ALDH1A2: variants seen among roughly 807,000 people sequenced by gnomAD.
The protein encoded by ALDH1A2 is retinal dehydrogenase 2.
ALDH1A2 carries 27 observed loss-of-function variants against 60.3 expected under a neutral mutation model. The ratio of observed to expected loss-of-function variants is 0.45; its 90% CI spans 0.33 to 0.62. The LOEUF is 0.62. ALDH1A2 is among the 20% of genes least tolerant of loss of function. The pLI is 0.02. For missense variants in ALDH1A2, 581 were observed against 643.8 expected, an observed-to-expected ratio of 0.90 and a Z score of 1.06; for synonymous variants, 289 against 232.4, an observed-to-expected ratio of 1.24 and a Z score of -2.21.
intron 1 of ALDH1A2, among the ~76,000 whole-genome samples, chr15:58,025,472 A>C (rs1595674629): frequency 1.3e-5 from 2 of 152,226 alleles, no homozygotes. Flanking sequence ...GAAGAAACAG[A>C]AAACCTGAAC....
At chr15:58,063,470 A>G (rs1352743166) in intron 1 of ALDH1A2, among the ~76,000 whole-genome samples, 1 of 151,848 alleles carries the variant, frequency 6.6e-6, no homozygotes, top group Non-Finnish European at 1.5e-5. Flanking sequence ...TTTTTAAAAA[A>G]CTCACTATTA....
chr15:57,977,195 G>A lies in ALDH1A2; in HGVS notation c.799-11368C>T, dbSNP rs947407465. The stretch of plus-strand genomic sequence containing the variant: ...GATTGCAAAAACTTTGTCCCACTCT[G>A]TAGGTTGCCTGTTCACTCTGATGAT... On this transcript the variant is annotated intron_variant, in intron 7 of 12. Coordinates refer to ENST00000249750, the MANE Select transcript of ALDH1A2 (RefSeq NM_003888.4). Among the ~76,000 whole-genome samples, 23 of 151,854 alleles carry A rather than the reference G, an allele frequency of 1.5e-4. No homozygotes were observed. The Middle Eastern group carries it at 0.024, about 157-fold the overall frequency.
At chr15:58,006,793 G>A (rs1895473786) in intron 4 of ALDH1A2, among the ~76,000 whole-genome samples, 1 of 144,390 alleles carries the variant, frequency 6.9e-6, no homozygotes, top group Non-Finnish European at 1.5e-5. Context: ...GTCACCTGAT[G>A]CACAAATTCT....
At chr15:57,976,692 C>G (rs1837850) in intron 7 of ALDH1A2, among the ~76,000 whole-genome samples, 1 of 152,074 alleles carries the variant, frequency 6.6e-6, no homozygotes, top group Non-Finnish European at 1.5e-5. Flanking sequence ...GGTTCCAAGT[C>G]CTTGCTATTG....
intron 1 of ALDH1A2, among the ~76,000 whole-genome samples, chr15:58,060,403 A>G (rs867832201): frequency 1.3e-5 from 2 of 151,798 alleles, no homozygotes; most frequent in Non-Finnish European, 2.9e-5. Flanking sequence ...TATTATCTCA[A>G]TGATGACAAA....
rs775138747 is a variant in ALDH1A2 at position 57,981,289 on chromosome 15, AACACACACAC to A, written c.798+11406_798+11415del. Among the ~76,000 whole-genome samples the A allele has an allele frequency of 9.1e-3, 1,288 of 142,132 alleles. 21 individuals carry two copies. Among genetic ancestry groups the A allele is most frequent in the African/African-American group, 0.031 (1,181 of 38,028 alleles). 93.2% of individuals were successfully genotyped at this position (142,132 alleles called of 152,430 possible). A position where few individuals can be genotyped will look rare whatever the true frequency, so the allele number is the denominator to read the frequency against. The stretch of plus-strand genomic sequence containing the variant: ...TTCCAAGAAGTGAAATAGAAGAGCA[AACACACACAC>A]ACACACACACACACACACACACACA... On this transcript the variant is annotated intron_variant, in intron 7 of 12. Coordinates refer to ENST00000249750, the MANE Select transcript of ALDH1A2 (RefSeq NM_003888.4).
chr15:57,988,185 C>A (rs936588039), intron 7 of ALDH1A2, among the ~76,000 whole-genome samples: 6 of 152,036 alleles, frequency 3.9e-5, no homozygotes, highest in African/African-American at 1.5e-4. Flanking sequence ...TATAGGGCAA[C>A]AATAACACAA....
intron 7 of ALDH1A2, among the ~76,000 whole-genome samples, chr15:57,982,353 T>C (rs1053493749): frequency 1.3e-5 from 2 of 152,208 alleles, no homozygotes; most frequent in African/African-American, 4.8e-5. Flanking sequence ...ATATTTAATC[T>C]TGATTCCTTT....
In ALDH1A2 at chr15:58,013,964, A is replaced by T. The variant is rs1162421156; in HGVS notation, c.257T>A (p.Leu86Gln). 6.2e-7 allele frequency: 1 copy of T among 1,614,140 alleles called. No homozygotes were observed. The highest frequency in any genetic ancestry group is 2.2e-5 in the East Asian group (1 of 44,874). The change falls in exon 3 of 13, where the codon CTG becomes CAG. Residue 86 changes from leucine (L) to glutamine (Q), a missense_variant. Transcript: ENST00000249750. ...DIDKAVQAAR[L>Q]AFSLGSVWRR... ...CCACACTGAACCAAGAGAGAAAGCC[A>T]GGCGGGCTGCCTGCACTGCTTTGTC...
rs574811942 is a variant in ALDH1A2 at position 58,058,212 on chromosome 15, C to T, written c.117+7322G>A. On this transcript the variant is annotated intron_variant, in intron 1 of 12. Transcript: ENST00000249750. ...TCCCCTCCTCCTTCCCACCTGAAAT[C>T]GTGCCACTATCACACACATCTCAGT... 2.9e-3 allele frequency: 1,964 copies of T among 689,120 alleles called. 5 individuals carry two copies. Among genetic ancestry groups the T allele is most frequent in the Non-Finnish European group, 4.3e-3 (1,738 of 401,372 alleles). The allele number at this position is 689,120 out of a possible 1,614,324, so 42.7% of individuals were successfully genotyped here. A position where few individuals can be genotyped will look rare whatever the true frequency, so the allele number is the denominator to read the frequency against.
At chr15:58,001,360 A>G (rs1385017962) in intron 4 of ALDH1A2, among the ~76,000 whole-genome samples, 4 of 151,954 alleles carry the variant, frequency 2.6e-5, no homozygotes, top group African/African-American at 9.7e-5. Flanking sequence ...TGTCAAGAAC[A>G]ATCACAAATG....
At chr15:57,961,547 C>G (rs1240287526) in intron 10 of ALDH1A2, among the ~76,000 whole-genome samples, 1 of 152,162 alleles carries the variant, frequency 6.6e-6, no homozygotes, top group Non-Finnish European at 1.5e-5. Flanking sequence ...GGGGTGTCTT[C>G]TTTAGGTACA....
intron 7 of ALDH1A2, among the ~76,000 whole-genome samples, chr15:57,981,287 CAA>C (rs1491148841): frequency 2.8e-4 from 33 of 118,684 alleles, no homozygotes; most frequent in Admixed American, 1.7e-3. Context: ...AATAGAAGAG[CAA>C]ACACACACAC....
chr15:57,980,561 T>G (rs1193122554), intron 7 of ALDH1A2: 3 of 272,572 alleles, frequency 1.1e-5, no homozygotes, highest in African/African-American at 6.8e-5. Context: ...TGCCTCCTTC[T>G]GGGGGTCATA....
intron 12 of ALDH1A2, among the ~76,000 whole-genome samples, chr15:57,956,671 G>C (rs536021495): frequency 1.3e-5 from 2 of 152,164 alleles, no homozygotes; most frequent in Non-Finnish European, 2.9e-5. Flanking sequence ...ACTCAGTCTC[G>C]GAGTCTCTTT....
chr15:58,043,612 T>C (rs1896570691), intron 1 of ALDH1A2, among the ~76,000 whole-genome samples: 1 of 151,974 alleles, frequency 6.6e-6, no homozygotes, highest in South Asian at 2.1e-4. Context: ...ACAATGAATA[T>C]ACTACAAAGA....
chr15:57,968,491 G>A (rs1034624684), intron 7 of ALDH1A2, among the ~76,000 whole-genome samples: 1 of 152,146 alleles, frequency 6.6e-6, no homozygotes, highest in Non-Finnish European at 1.5e-5. Flanking sequence ...TCATTTTTCT[G>A]TTCTCTTTTC....
intron 12 of ALDH1A2, among the ~76,000 whole-genome samples, chr15:57,958,127 T>C (rs1178222751): frequency 6.6e-6 from 1 of 152,190 alleles, no homozygotes; most frequent in Admixed American, 6.5e-5. Flanking sequence ...TCAGAATCTC[T>C]GAGAGTGGGT....
At chr15:58,049,694 G>A (rs1896726886) in intron 1 of ALDH1A2, among the ~76,000 whole-genome samples, 1 of 152,028 alleles carries the variant, frequency 6.6e-6, no homozygotes, top group South Asian at 2.1e-4. Context: ...ACCCACTTCT[G>A]ACACTGCCAT....
Sources: allele counts gnomAD v4.1 joint callset (sites outside exome capture counted in the v4.1 genomes callset), GRCh38; gene constraint gnomAD v4.1.1; transcripts MANE v1.5; gene names NCBI Gene and HGNC (gene_info 2026-07-23, HGNC 2026-07-21).